PKIB: variants seen among roughly 807,000 people sequenced by gnomAD.
PKIB encodes cAMP-dependent protein kinase inhibitor beta, also known as PKI-beta.
PKIB carries 2 observed loss-of-function variants against 4.5 expected under a neutral mutation model. The observed-to-expected ratio is 0.44, with a 90% CI of 0.18 to 1.39. The LOEUF is 1.39. PKIB is among the 40% of genes most tolerant of loss of function. The pLI is 0.27. For synonymous variants in PKIB, 38 were observed against 36.0 expected, an observed-to-expected ratio of 1.06 and a Z score of -0.20; for missense variants, 94 against 92.6, an observed-to-expected ratio of 1.02 and a Z score of -0.06.
chr6:122,618,959 TC>T (rs1422508046), intron 1 of PKIB, among the ~76,000 whole-genome samples: 2 of 152,162 alleles, frequency 1.3e-5, no homozygotes, highest in Non-Finnish European at 2.9e-5. Context: ...TAATACAGTT[TC>T]AAAAATTTGA....
intron 2 of PKIB, among the ~76,000 whole-genome samples, chr6:122,553,484 T>TC (rs1562249250): frequency 2.7e-5 from 2 of 74,430 alleles, no homozygotes; most frequent in East Asian, 3.8e-4. Context: ...ATATCTTCTT[T>TC]TTTTTTTTTT....
At chr6:122,552,694 A>G (rs531843166) in intron 2 of PKIB, among the ~76,000 whole-genome samples, 1 of 152,266 alleles carries the variant, frequency 6.6e-6, no homozygotes, top group Admixed American at 6.5e-5. Context: ...AGGCAGTTCT[A>G]AAACAGAGTG....
At chr6:122,602,955 C>CAA (rs71021410) in intron 3 of PKIB, among the ~76,000 whole-genome samples, 2,024 of 74,124 alleles carry the variant, frequency 0.027, 61 homozygotes, top group East Asian at 0.039. Context: ...GACTGCGTCT[C>CAA]AAAAAAAAAA....
chr6:122,485,593 T>A (rs1159666840), intron 2 of PKIB, among the ~76,000 whole-genome samples: 1 of 152,186 alleles, frequency 6.6e-6, no homozygotes, highest in Non-Finnish European at 1.5e-5. Flanking sequence ...GAAGCACACG[T>A]GGTAAACAAA....
At chr6:122,659,873 A>C (rs181843044) in intron 2 of PKIB, among the ~76,000 whole-genome samples, 20 of 152,278 alleles carry the variant, frequency 1.3e-4, no homozygotes, top group East Asian at 7.7e-4. Context: ...TTAAAAGAAA[A>C]AAATGGAAAA....
intron 1 of PKIB, among the ~76,000 whole-genome samples, chr6:122,614,842 A>G (rs1249945186): frequency 2.0e-5 from 3 of 152,206 alleles, no homozygotes; most frequent in African/African-American, 7.2e-5. Context: ...CAACTCATGC[A>G]ATTACATTAG....
chr6:122,657,120 T>C (rs899373838), intron 2 of PKIB, among the ~76,000 whole-genome samples: 6 of 152,340 alleles, frequency 3.9e-5, no homozygotes, highest in Admixed American at 6.5e-5. Flanking sequence ...AACATATCTG[T>C]CATCTCACGT....
At chr6:122,581,996 T>C (rs1773717820) in intron 2 of PKIB, among the ~76,000 whole-genome samples, 1 of 152,056 alleles carries the variant, frequency 6.6e-6, no homozygotes, top group Admixed American at 6.6e-5. Context: ...GTGTTTATGT[T>C]CTCTTACAAA....
chr6:122,483,265 A>C (rs1775679255), intron 2 of PKIB: 1 of 152,230 alleles, frequency 6.6e-6, no homozygotes, highest in Non-Finnish European at 1.5e-5. Flanking sequence ...TTAAACAACT[A>C]TAAATACATT....
chr6:122,680,397 G>C (rs2815593), intron 3 of PKIB, among the ~76,000 whole-genome samples: 55,677 of 152,094 alleles, frequency 0.37, 11,063 homozygotes, highest in South Asian at 0.61. Flanking sequence ...TCTGGATTTG[G>C]GGGAGGACCC....
At chr6:122,717,622 A>G in intron 3 of PKIB, 165 bp from the exon 4 acceptor site, 1 of 680,430 alleles carries the variant, frequency 1.5e-6, no homozygotes, top group South Asian at 2.1e-5. Context: ...CAAATGTGCA[A>G]ATGGATGCTG....
intron 2 of PKIB, among the ~76,000 whole-genome samples, chr6:122,510,311 C>A (rs1776545033): frequency 6.6e-6 from 1 of 152,040 alleles, no homozygotes; most frequent in Non-Finnish European, 1.5e-5. Context: ...AATGATGTAA[C>A]AATCTGGAAA....
chr6:122,565,495 G>A (rs1054050438), intron 2 of PKIB, among the ~76,000 whole-genome samples: 3 of 152,134 alleles, frequency 2.0e-5, no homozygotes, highest in African/African-American at 7.2e-5. Flanking sequence ...AAACAGGTAA[G>A]CTTGAGAGAA....
rs563236667 is a variant in PKIB, at chr6:122,553,585, A to G, written c.-247-32336A>G. On this transcript the variant is annotated intron_variant, in intron 2 of 6. Coordinates refer to the PKIB transcript ENST00000392491. ...TCTCCTCTTAGGACACAAGCCATCC[A>G]TAGGTCTGTCTCCCTGAGTTTACAG... Among the ~76,000 whole-genome samples, 161 of 147,158 alleles carry G rather than the reference A, an allele frequency of 1.1e-3. No homozygotes were observed. In the Middle Eastern group the frequency reaches 0.014, roughly 13 times the overall value.
intron 2 of PKIB, among the ~76,000 whole-genome samples, chr6:122,519,982 C>T (rs1047727183): frequency 1.4e-4 from 21 of 152,132 alleles, no homozygotes. Context: ...AGTTTCCCAC[C>T]TTCCAAGATT....
At chr6:122,573,262 ACATCAT>A (rs1305724965) in intron 2 of PKIB, among the ~76,000 whole-genome samples, 1 of 152,100 alleles carries the variant, frequency 6.6e-6, no homozygotes, top group Non-Finnish European at 1.5e-5. Context: ...AAAAGATAAT[ACATCAT>A]GATTGGCTGG....
intron 2 of PKIB, among the ~76,000 whole-genome samples, chr6:122,639,197 T>A (rs1776036235): frequency 6.6e-6 from 1 of 152,214 alleles, no homozygotes. Context: ...GACTGTCACT[T>A]TTTGAAGACT....
chr6:122,634,045 G>A (rs1425363880), intron 2 of PKIB, among the ~76,000 whole-genome samples: 1 of 151,670 alleles, frequency 6.6e-6, no homozygotes, highest in Non-Finnish European at 1.5e-5. Flanking sequence ...TGAAAATTGA[G>A]GCCACATTCA....
At chr6:122,536,721 A>G (rs1230530274) in intron 2 of PKIB, among the ~76,000 whole-genome samples, 5 of 152,204 alleles carry the variant, frequency 3.3e-5, no homozygotes, top group African/African-American at 7.2e-5. Context: ...AAAACTATGT[A>G]CCAGTTGACA....
Sources: gnomAD v4.1 joint callset for allele counts (sites outside exome capture counted in the v4.1 genomes callset) on GRCh38, gnomAD v4.1.1 for gene constraint, MANE v1.5 for transcripts, NCBI Gene and HGNC (gene_info 2026-07-23, HGNC 2026-07-21) for gene names.